Variants in BCAS3 observed in about 807,000 individuals in gnomAD.
BCAS3 encodes the protein BCAS4/BCAS3 fusion.
In BCAS3, 53 loss-of-function variants were observed where a neutral mutation model predicts 116.1. That is an observed-to-expected ratio of 0.46 (90% CI 0.37 to 0.57). The LOEUF (loss-of-function observed/expected upper bound fraction) is 0.57. Among genes scored for constraint, BCAS3 ranks in the 20% least tolerant of loss-of-function variants. The pLI is 0.00. For synonymous variants in BCAS3, 391 were observed against 408.2 expected (o/e 0.96, Z 0.51); for missense variants, 917 against 1,165.4 (o/e 0.79, Z 3.10).
At chr17:60,712,115 A>C (rs983616003) in intron 5 of BCAS3, among the ~76,000 whole-genome samples, 2 of 152,138 alleles carry the variant, frequency 1.3e-5, no homozygotes, top group Non-Finnish European at 2.9e-5. Context: ...CAGTGAGCCA[A>C]GATTGCGCCA....
chr17:61,149,259 C>T (rs2077412388), intron 22 of BCAS3, among the ~76,000 whole-genome samples: 1 of 152,022 alleles, frequency 6.6e-6, no homozygotes, highest in African/African-American at 2.4e-5. Flanking sequence ...CTGCTTTCCG[C>T]TGGTAAGATC....
chr17:60,951,994 A>G (rs1253677043), intron 14 of BCAS3, among the ~76,000 whole-genome samples: 1 of 151,754 alleles, frequency 6.6e-6, no homozygotes, highest in Non-Finnish European at 1.5e-5. Context: ...CTGGTCTTGA[A>G]TTCCTGACCT....
At position 61,323,098 on chromosome 17, in the gene BCAS3, G is replaced by A. The variant is rs2055440422; in HGVS notation, c.2426-45229G>A. On this transcript the variant is annotated intron_variant, in intron 22 of 23. Transcript: ENST00000407086. This position sits in a 1 kb window ranked among gnomAD's most constrained non-coding sequence, Gnocchi z 4.6. ...GTTTAAAAAAAAAATGAAAGAAAAA[G>A]GAGAATGGTCACATGGATTTAGCAT... 6.6e-6 allele frequency among the ~76,000 whole-genome samples: 1 copy of A among 152,020 alleles called. No individual in the cohort carries two copies. The highest frequency in any genetic ancestry group is 2.4e-5 in the African/African-American group (1 of 41,376).
chr17:61,170,134 G>A (rs193022820), intron 22 of BCAS3, among the ~76,000 whole-genome samples: 1 of 152,162 alleles, frequency 6.6e-6, no homozygotes, highest in East Asian at 1.9e-4. Flanking sequence ...GATTAGAGGT[G>A]TGAGTCACCG....
At chr17:61,011,337 A>G (rs2065101511) in intron 15 of BCAS3, among the ~76,000 whole-genome samples, 1 of 152,098 alleles carries the variant, frequency 6.6e-6, no homozygotes, top group African/African-American at 2.4e-5. Flanking sequence ...GAACTTCCTT[A>G]TACGAAGAGG....
At chr17:61,299,442 C>CAAAAAAAAAAAAAAAAAA (rs538072648) in intron 22 of BCAS3, among the ~76,000 whole-genome samples, 2 of 57,154 alleles carry the variant, frequency 3.5e-5, no homozygotes, top group Non-Finnish European at 7.0e-5. Flanking sequence ...GACTCCATCT[C>CAAAAAAAAAAAAAAAAAA]AAAAAAAAAA....
intron 6 of BCAS3, among the ~76,000 whole-genome samples, chr17:60,805,316 T>G (rs2048172455): frequency 6.6e-6 from 1 of 152,108 alleles, no homozygotes; most frequent in Admixed American, 6.5e-5. Flanking sequence ...CATATCAGTT[T>G]ATTGGTTAAC....
rs960334808 is a variant in BCAS3 at position 61,352,939 on chromosome 17, G to A, written c.2426-15388G>A. 9.2e-5 allele frequency among the ~76,000 whole-genome samples: 14 copies of A among 152,208 alleles called. No individual in the cohort carries two copies. The highest frequency in any genetic ancestry group is 1.6e-4 in the Non-Finnish European group (11 of 68,028). ...TTGCTTTAATGGAGTGTTAACCCCC[G>A]TCGCTGGAACTCATGTTAATGCCTA... On this transcript the variant is annotated intron_variant, in intron 22 of 23. Coordinates refer to ENST00000407086, the MANE Select transcript of BCAS3 (RefSeq NM_017679.5). The surrounding 1 kb of genome is among the most constrained non-coding windows in gnomAD (Gnocchi z 4.7).
At position 61,034,713 on chromosome 17, in the gene BCAS3, G is replaced by A; in HGVS notation, c.1685G>A (p.Gly562Glu). The A allele has an allele frequency of 1.9e-6, 3 of 1,612,612 alleles. No individual in the cohort carries two copies. The highest frequency in any genetic ancestry group is 2.5e-6 in the Non-Finnish European group (3 of 1,178,914). ...ATTTCACCCAGCAAATCGATGGGCG[G>A]AGAATTTTGTGTGGCTGCTATCTTC... Reference protein sequence around the residue: ...PQISPSKSMGGEFCVAAIFGT... With the variant: ...PQISPSKSMGEEFCVAAIFGT... The change falls in exon 17 of 24, where the codon GGA becomes GAA. Residue 562 changes from glycine to glutamate, a missense_variant. By Grantham distance (98) the Gly-to-Glu change is moderately conservative. Transcript: ENST00000407086. This position sits in a 1 kb window ranked among gnomAD's most constrained non-coding sequence, Gnocchi z 5.0.
intron 14 of BCAS3, among the ~76,000 whole-genome samples, chr17:60,974,832 G>A (rs953445134): frequency 7.2e-5 from 11 of 152,120 alleles, no homozygotes; most frequent in African/African-American, 2.7e-4. Flanking sequence ...AATAATGAGT[G>A]CCCTAATGAG....
rs1351606479 is a variant in BCAS3 at position 61,008,446 on chromosome 17, T to G, written c.1487-7305T>G. On this transcript the variant is annotated intron_variant, in intron 15 of 23. Coordinates refer to ENST00000407086, the MANE Select transcript of BCAS3 (RefSeq NM_017679.5). The surrounding 1 kb of genome is among the most constrained non-coding windows in gnomAD (Gnocchi z 4.6). ...GGTTGAAAAAACTTTAATGTTAAAT[T>G]GGATGGCAAGCAAGAACTAAGCAGT... is the stretch of plus-strand genomic sequence containing the variant. Among the ~76,000 whole-genome samples the G allele has an allele frequency of 6.6e-6, 1 of 152,004 alleles. No homozygotes were observed. The highest frequency in any genetic ancestry group is 1.9e-4 in the East Asian group (1 of 5,182).
chr17:60,980,299 A>G (rs946039967), intron 14 of BCAS3, among the ~76,000 whole-genome samples: 1 of 152,068 alleles, frequency 6.6e-6, no homozygotes, highest in Non-Finnish European at 1.5e-5. Context: ...ACCAAAACTT[A>G]TCATCTTTTT....
intron 6 of BCAS3, among the ~76,000 whole-genome samples, chr17:60,785,962 T>C (rs983274022): frequency 5.9e-5 from 9 of 152,192 alleles, no homozygotes; most frequent in African/African-American, 2.2e-4. Context: ...ATATTATAAA[T>C]AACCTAGAGA....
In BCAS3 at chr17:61,046,079, TA is replaced by T. The variant is rs1179224257; in HGVS notation, c.2029+5188del. Among the ~76,000 whole-genome samples the T allele has an allele frequency of 3.5e-4, 12 of 34,138 alleles. 2 individuals are homozygous for T. Among genetic ancestry groups the T allele is most frequent in the African/African-American group, 2.9e-3 (10 of 3,468 alleles). The allele number at this position is 34,138 out of a possible 152,430, so 22.4% of individuals were successfully genotyped here. On this transcript the variant is annotated intron_variant, in intron 19 of 23. Coordinates refer to ENST00000407086, the MANE Select transcript of BCAS3 (RefSeq NM_017679.5). ...ATATTATATATATATAATATATATA[TA>T]TTTATATATATATATAATATATATA... is the stretch of plus-strand genomic sequence containing the variant.
intron 22 of BCAS3, among the ~76,000 whole-genome samples, chr17:61,154,966 C>T (rs1342559867): frequency 1.3e-5 from 2 of 149,532 alleles, no homozygotes; most frequent in Non-Finnish European, 3.0e-5. Flanking sequence ...TAAATCATTT[C>T]AGAAATGTTT....
At chr17:61,075,323 A>T (rs921318784) in intron 20 of BCAS3, among the ~76,000 whole-genome samples, 6 of 151,950 alleles carry the variant, frequency 3.9e-5, no homozygotes, top group Admixed American at 3.3e-4. Flanking sequence ...CAATTAATTT[A>T]TTAATTTTTG....
rs1051461695 is a variant in BCAS3 at position 60,967,010 on chromosome 17, G to A, written c.1221+19658G>A. ...TTTTGTATTACCTATGTTTTAACAG[G>A]TTGCTAATAGCGATTATTATTTTTG... On this transcript the variant is annotated intron_variant, in intron 14 of 23. Coordinates refer to ENST00000407086, the MANE Select transcript of BCAS3 (RefSeq NM_017679.5). The surrounding 1 kb of genome is among the most constrained non-coding windows in gnomAD (Gnocchi z 4.7). 1.3e-5 allele frequency among the ~76,000 whole-genome samples: 2 copies of A among 152,100 alleles called. No homozygotes were observed. Among genetic ancestry groups the A allele is most frequent in the Non-Finnish European group, 2.9e-5 (2 of 68,010 alleles).
chr17:61,199,934 G>T lies in BCAS3; in HGVS notation c.2425+115370G>T, dbSNP rs951396244. ...GGTCTCTTGCTTTTTGATCTTTCTT[G>T]GTTCTTTAGTTTTTGCCTACTTCCT... On this transcript the variant is annotated intron_variant, in intron 22 of 23. Coordinates refer to ENST00000407086, the MANE Select transcript of BCAS3 (RefSeq NM_017679.5). This position sits in a 1 kb window ranked among gnomAD's most constrained non-coding sequence, Gnocchi z 4.6. Among the ~76,000 whole-genome samples, 4 of 151,944 alleles carry T rather than the reference G, an allele frequency of 2.6e-5. No individual in the cohort carries two copies. The highest frequency in any genetic ancestry group is 9.7e-5 in the African/African-American group (4 of 41,356).
At chr17:60,691,433 T>A (rs1248874606) in intron 4 of BCAS3, among the ~76,000 whole-genome samples, 1 of 152,076 alleles carries the variant, frequency 6.6e-6, no homozygotes, top group Non-Finnish European at 1.5e-5. Flanking sequence ...CTCTTTTTGG[T>A]AGTAGCCATC....
Sources: gnomAD v4.1 joint callset for allele counts (sites outside exome capture counted in the v4.1 genomes callset) on GRCh38, gnomAD v4.1.1 for gene constraint, Gnocchi (gnomAD v3.1) non-coding constraint, MANE v1.5 for transcripts, NCBI Gene and HGNC (gene_info 2026-07-23, HGNC 2026-07-21) for gene names.